Variants in WAPL observed in about 807,000 individuals in gnomAD.
The protein encoded by WAPL is wings apart-like protein homolog.
In WAPL, 5 loss-of-function variants were observed where a neutral mutation model predicts 121.0. That is an observed-to-expected ratio of 0.04 (90% CI 0.02 to 0.09). The LOEUF is 0.09. WAPL is among the 10% of genes least tolerant of loss of function. WAPL has a pLI of 1.00. For missense variants in WAPL, 999 were observed against 1,410.8 expected, an observed-to-expected ratio of 0.71 and a Z score of 4.68; for synonymous variants, 480 against 481.5, an observed-to-expected ratio of 1.00 and a Z score of 0.04.
intron 15 of WAPL, among the ~76,000 whole-genome samples, chr10:86,448,360 AG>A (rs1238484762): frequency 6.6e-6 from 1 of 152,144 alleles, no homozygotes; most frequent in Non-Finnish European, 1.5e-5. Flanking sequence ...CTGAGGTGAA[AG>A]GATCACCTGA....
At chr10:86,438,791 A>C (rs1430713838) in intron 17 of WAPL, among the ~76,000 whole-genome samples, 1 of 152,226 alleles carries the variant, frequency 6.6e-6, no homozygotes, top group Non-Finnish European at 1.5e-5. Flanking sequence ...TTCCAAAGGC[A>C]ATCTAACCTC....
At chr10:86,461,968 G>A (rs1380884599) in intron 9 of WAPL, among the ~76,000 whole-genome samples, 1 of 151,992 alleles carries the variant, frequency 6.6e-6, no homozygotes, top group Non-Finnish European at 1.5e-5. Flanking sequence ...GGCATACTGC[G>A]GGCTTAGCAG....
chr10:86,492,219 GGAA>G (rs570454534), intron 4 of WAPL, among the ~76,000 whole-genome samples: 2 of 152,118 alleles, frequency 1.3e-5, no homozygotes, highest in East Asian at 1.9e-4. Flanking sequence ...GGAGACAGCT[GGAA>G]GAAGGAGAGG....
At chr10:86,520,697 C>A (rs1842657852) in intron 1 of WAPL, among the ~76,000 whole-genome samples, 1 of 141,492 alleles carries the variant, frequency 7.1e-6, no homozygotes, top group South Asian at 2.3e-4. Context: ...ACGACTAAGT[C>A]TTTTCGGTCG....
intron 9 of WAPL, among the ~76,000 whole-genome samples, chr10:86,465,935 TTC>T (rs1272320176): frequency 3.9e-5 from 6 of 152,318 alleles, no homozygotes; most frequent in South Asian, 2.1e-4. Context: ...CACTTATTTT[TTC>T]TTTTTTTCTT....
Position 86,459,024 on chromosome 10 carries a change from T to C in WAPL, c.2622A>G (p.Ala874=). Reference sequence around the variant, plus strand: ...AAACAATAAGTTGGGAATCTTTATATGCTATCAAGTAGCTTTGATTTTCGG... The same window carrying C: ...AAACAATAAGTTGGGAATCTTTATACGCTATCAAGTAGCTTTGATTTTCGG... ...HNPENQSYLI[A]YKDSQLIVSS... is the part of the protein sequence containing the mutation. Residue 874 remains alanine, a synonymous_variant, in exon 12 of 19, where the codon GCA becomes GCG. Coordinates refer to ENST00000298767, the MANE Select transcript of WAPL (RefSeq NM_015045.5). 1 of 1,608,926 alleles carries C rather than the reference T, an allele frequency of 6.2e-7. No homozygotes were observed. Among genetic ancestry groups the C allele is most frequent in the Non-Finnish European group, 8.5e-7 (1 of 1,177,956 alleles).
chr10:86,503,339 G>C (rs1842282312), intron 2 of WAPL, among the ~76,000 whole-genome samples: 1 of 152,148 alleles, frequency 6.6e-6, no homozygotes. Context: ...AAGTGGCTTG[G>C]AGACCATAAC....
At chr10:86,475,175 A>C (rs1340001398) in intron 4 of WAPL, among the ~76,000 whole-genome samples, 2 of 152,238 alleles carry the variant, frequency 1.3e-5, no homozygotes, top group East Asian at 3.8e-4. Flanking sequence ...CTACAAAATC[A>C]AATCAAGTAA....
Position 86,513,874 on chromosome 10 carries a change from G to A in WAPL, c.499+3697C>T, listed in dbSNP as rs555494093. ...TGACGGAACTTCACCTGTGCACTTT[G>A]AATGAGTTGTTAAAATTTGCAACAG... On this transcript the variant is annotated intron_variant, in intron 2 of 18. Transcript: ENST00000298767. Among the ~76,000 whole-genome samples, 8 of 150,614 alleles carry A rather than the reference G, an allele frequency of 5.3e-5. No individual in the cohort carries two copies. In the East Asian group the frequency reaches 1.6e-3, roughly 30 times the overall value.
Position 86,453,292 on chromosome 10 carries a change from G to A in WAPL, c.2877C>T (p.Gly959=). ...CCTGAAGCACACAGTTCAGCGCTGT[G>A]CCTATGAGACCGTCCTGCTCTCCTG... ...TKTGEQDGLI[G]TALNCVLQVP... Residue 959 remains glycine (G), a synonymous_variant, in exon 14 of 19, where the codon GGC becomes GGT. Coordinates refer to ENST00000298767, the MANE Select transcript of WAPL (RefSeq NM_015045.5). 3 of 1,614,112 alleles carry A rather than the reference G, an allele frequency of 1.9e-6. No individual in the cohort carries two copies. The highest frequency in any genetic ancestry group is 2.2e-5 in the East Asian group (1 of 44,882).
At chr10:86,437,801 TATTAAA>T (rs1175140264) in intron 18 of WAPL, 113 bp downstream of exon 18, 17 of 986,132 alleles carry the variant, frequency 1.7e-5, no homozygotes, top group Admixed American at 8.2e-5. Context: ...AGAACACGAT[TATTAAA>T]ATTAAAAGAA....
chr10:86,438,395 A>T (rs1849379526), intron 17 of WAPL, among the ~76,000 whole-genome samples: 1 of 152,178 alleles, frequency 6.6e-6, no homozygotes, highest in African/African-American at 2.4e-5. Context: ...CCGGGATTAA[A>T]GGCACGTGCC....
Position 86,500,325 on chromosome 10 carries a change from T to C in WAPL, c.918A>G (p.Gln306=), listed in dbSNP as rs1842223475. The C allele has an allele frequency of 6.2e-7, 1 of 1,614,114 alleles. No homozygotes were observed. Among genetic ancestry groups the C allele is most frequent in the African/African-American group, 1.3e-5 (1 of 74,930 alleles). ...TCAGCTTATCAAAATTTGATGCTCC[T>C]TGGGAGGATTTCGTTTTATTGGCCC... ...YCRANKTKSS[Q]GASNFDKLMD... Residue 306 remains glutamine (Q), a synonymous_variant, in exon 3 of 19, where the codon CAA becomes CAG. Coordinates refer to ENST00000298767, the MANE Select transcript of WAPL (RefSeq NM_015045.5).
intron 15 of WAPL, among the ~76,000 whole-genome samples, chr10:86,451,332 AAAGT>A (rs1344978548): frequency 2.0e-5 from 3 of 152,192 alleles, no homozygotes; most frequent in Admixed American, 2.0e-4. Flanking sequence ...TCAGCAAAAT[AAAGT>A]AAGAATGCAT....
chr10:86,488,531 T>C (rs78086674), intron 4 of WAPL: 17,666 of 152,192 alleles, frequency 0.12, 1,203 homozygotes, highest in Middle Eastern at 0.17. Flanking sequence ...CACAAATTCG[T>C]AGAGCGTTAA....
chr10:86,452,525 G>C (rs1841008220), intron 14 of WAPL, among the ~76,000 whole-genome samples: 1 of 152,080 alleles, frequency 6.6e-6, no homozygotes, highest in South Asian at 2.1e-4. Context: ...CCAGGAGATG[G>C]AGGTTGCAGT....
Position 86,521,514 on chromosome 10 carries a change from G to A in WAPL, c.-172C>T. 1 of 360,844 alleles carries A rather than the reference G, an allele frequency of 2.8e-6. No individual in the cohort carries two copies. The highest frequency in any genetic ancestry group is 5.5e-6 in the Non-Finnish European group (1 of 182,602). The allele number at this position is 360,844 out of a possible 1,614,324, so 22.4% of individuals were successfully genotyped here. On this transcript the variant is annotated 5_prime_UTR_variant, in exon 1 of 19. Transcript: ENST00000298767. ...CGAGGGACTCTGCTTTCGGTAAATA[G>A]GAAGCCCGGTTGGGGGGGCAGGAGC... is the stretch of plus-strand genomic sequence containing the variant.
chr10:86,440,374 G>A lies in WAPL; in HGVS notation c.3412-2359C>T, dbSNP rs780659423. Among the ~76,000 whole-genome samples the A allele has an allele frequency of 4.6e-5, 7 of 151,306 alleles. No homozygotes were observed. The South Asian group carries it at 6.3e-4, about 14-fold the overall frequency. On this transcript the variant is annotated intron_variant, in intron 17 of 18. Transcript: ENST00000298767. ...GCGATCTCCACTCACTGCAAGCTCCGCCTCCCGAGTTCACGCCATTCTGCT... is the reference window on the plus strand; with the variant it reads ...GCGATCTCCACTCACTGCAAGCTCCACCTCCCGAGTTCACGCCATTCTGCT...
At chr10:86,439,839 A>G (rs1232697557) in intron 17 of WAPL, among the ~76,000 whole-genome samples, 2 of 152,230 alleles carry the variant, frequency 1.3e-5, no homozygotes, top group African/African-American at 4.8e-5. Flanking sequence ...TGACCACTGC[A>G]ATGCACCAGC....
Sources: allele counts gnomAD v4.1 joint callset (sites outside exome capture counted in the v4.1 genomes callset), GRCh38; gene constraint gnomAD v4.1.1; transcripts MANE v1.5; gene names NCBI Gene and HGNC (gene_info 2026-07-23, HGNC 2026-07-21).